Variants in ARHGEF38 observed in about 807,000 individuals in gnomAD.
The protein encoded by ARHGEF38 is Rho guanine nucleotide exchange factor 38, also known as Rho guanine nucleotide exchange factor (GEF) 38.
In ARHGEF38, 79 loss-of-function variants were observed where a neutral mutation model predicts 79.9. That is an observed-to-expected ratio of 0.99 (90% CI 0.82 to 1.19). ARHGEF38 has a LOEUF of 1.19. Ranked by LOEUF, ARHGEF38 falls within the 50% of genes most tolerant of loss-of-function variation. ARHGEF38 has a pLI of 0.00. For synonymous variants in ARHGEF38, 366 were observed against 328.3 expected, an observed-to-expected ratio of 1.11 and a Z score of -1.24; for missense variants, 962 against 907.2, an observed-to-expected ratio of 1.06 and a Z score of -0.78.
At position 105,646,364 on chromosome 4, in the gene ARHGEF38, T is replaced by C. The variant is rs138995572; in HGVS notation, c.874+977T>C. On this transcript the variant is annotated intron_variant, in intron 6 of 13. Transcript: ENST00000420470. ...AAAAAAACATTGTAATACAAAAAGGTTAAAAATAAAAAGAAGCAATTCACA... is the reference window on the plus strand; with the variant it reads ...AAAAAAACATTGTAATACAAAAAGGCTAAAAATAAAAAGAAGCAATTCACA... Among the ~76,000 whole-genome samples the C allele has an allele frequency of 8.2e-3, 1,246 of 152,152 alleles. 60 individuals carry two copies. The highest frequency in any genetic ancestry group is 0.064 in the Admixed American group (973 of 15,286).
chr4:105,667,703 G>A lies in ARHGEF38; in HGVS notation c.2148G>A (p.Gln716=), dbSNP rs1486193161. 1.3e-6 allele frequency: 2 copies of A among 1,535,972 alleles called. No individual in the cohort carries two copies. The highest frequency in any genetic ancestry group is 1.7e-6 in the Non-Finnish European group (2 of 1,146,868). Residue 716 remains glutamine (Q), a splice_region_variant and synonymous_variant, in exon 13 of 14, where the codon CAG becomes CAA. Coordinates refer to ENST00000420470, the MANE Select transcript of ARHGEF38 (RefSeq NM_001242729.2). ...DVDSFQEVDE[Q]IFYAVHAFQA... The stretch of plus-strand genomic sequence containing the variant: ...ACAGTTTTCAAGAAGTAGACGAACA[G>A]GTAAAAATTTGATGTAAAAATATGT...
At position 105,614,793 on chromosome 4, in the gene ARHGEF38, A is replaced by G. The variant is rs77251577; in HGVS notation, c.508+1286A>G. Among the ~76,000 whole-genome samples, 39 of 152,336 alleles carry G rather than the reference A, an allele frequency of 2.6e-4. No individual in the cohort carries two copies. In the East Asian group the frequency reaches 7.3e-3, roughly 29 times the overall value. On this transcript the variant is annotated intron_variant, in intron 3 of 13. Coordinates refer to ENST00000420470, the MANE Select transcript of ARHGEF38 (RefSeq NM_001242729.2). ...CAATGAATAGTTATGAAGTAGCAGC[A>G]TATTCACAAGATTTGGTACTGTACC...
chr4:105,675,482 T>A (rs891331108), intron 13 of ARHGEF38, among the ~76,000 whole-genome samples: 15 of 152,248 alleles, frequency 9.9e-5, no homozygotes, highest in Admixed American at 4.6e-4. Context: ...ATCTCTTGTA[T>A]GTATCTTTTA....
intron 9 of ARHGEF38, among the ~76,000 whole-genome samples, chr4:105,656,982 G>A (rs62320291): frequency 6.6e-6 from 1 of 151,958 alleles, no homozygotes; most frequent in Non-Finnish European, 1.5e-5. Context: ...ATGGATGGAT[G>A]GATAGGTACA....
chr4:105,663,756 G>A (rs977111830), intron 10 of ARHGEF38, among the ~76,000 whole-genome samples: 10 of 152,044 alleles, frequency 6.6e-5, no homozygotes, highest in Non-Finnish European at 1.0e-4. Flanking sequence ...GATCACTTGA[G>A]GCCGAGAGTT....
At chr4:105,637,964 T>C (rs59325500) in intron 5 of ARHGEF38, among the ~76,000 whole-genome samples, 2,186 of 152,240 alleles carry the variant, frequency 0.014, 44 homozygotes, top group African/African-American at 0.048. Context: ...TCCCAGCATG[T>C]GGCTGGATGC....
intron 5 of ARHGEF38, among the ~76,000 whole-genome samples, chr4:105,642,340 GC>G (rs1200885472): frequency 1.3e-5 from 2 of 152,066 alleles, no homozygotes; most frequent in African/African-American, 4.8e-5. Context: ...TTTTGAGAAC[GC>G]CTTTTTTAGG....
At chr4:105,576,407 C>CT (rs35502329) in intron 1 of ARHGEF38, among the ~76,000 whole-genome samples, 2,204 of 128,336 alleles carry the variant, frequency 0.017, 25 homozygotes, top group African/African-American at 0.032. Context: ...TTCTTTTCTT[C>CT]TTTTTTTTTT....
intron 9 of ARHGEF38, among the ~76,000 whole-genome samples, chr4:105,657,110 G>A (rs1730364921): frequency 2.6e-5 from 4 of 152,134 alleles, no homozygotes; most frequent in Admixed American, 2.6e-4. Context: ...AAAAGGTGTG[G>A]CTAGTTCTTT....
rs1725129557 is a variant in ARHGEF38 at position 105,553,971 on chromosome 4, AT to A, written c.196+1012del. Among the ~76,000 whole-genome samples, 8 of 152,284 alleles carry A rather than the reference AT, an allele frequency of 5.3e-5. No homozygotes were observed. In the South Asian group the frequency reaches 1.7e-3, roughly 32 times the overall value. On this transcript the variant is annotated intron_variant, in intron 1 of 13. Transcript: ENST00000420470. ...TATGAGCTTAGATTTAGTTATGCAA[AT>A]TAATTAAGTTAAATAAGTTAAATTA...
intron 7 of ARHGEF38, 136 bp from the exon 8 acceptor site, chr4:105,653,925 AAGAC>A (rs1410946289): frequency 7.1e-6 from 3 of 424,844 alleles, no homozygotes; most frequent in South Asian, 5.8e-5. Flanking sequence ...AGTATGTGTT[AAGAC>A]AGACAGCATG....
intron 13 of ARHGEF38, among the ~76,000 whole-genome samples, chr4:105,669,377 A>G (rs1730881744): frequency 6.6e-6 from 1 of 152,190 alleles, no homozygotes; most frequent in South Asian, 2.1e-4. Context: ...CAATATTTCA[A>G]GGAAGGGGCT....
chr4:105,572,493 T>C (rs1339629796), intron 1 of ARHGEF38, among the ~76,000 whole-genome samples: 1 of 152,194 alleles, frequency 6.6e-6, no homozygotes, highest in African/African-American at 2.4e-5. Context: ...TCCAGCTCTC[T>C]TTTCATCTTG....
At chr4:105,624,768 C>A (rs1445660100) in intron 3 of ARHGEF38, among the ~76,000 whole-genome samples, 1 of 152,178 alleles carries the variant, frequency 6.6e-6, no homozygotes, top group Non-Finnish European at 1.5e-5. Context: ...CAGCTGGGCT[C>A]CCATCCAAGG....
At position 105,602,552 on chromosome 4, in the gene ARHGEF38, A is replaced by T. The variant is rs75266528; in HGVS notation, c.385-10832A>T. 3.9e-4 allele frequency among the ~76,000 whole-genome samples: 60 copies of T among 152,238 alleles called. No individual in the cohort carries two copies. In the East Asian group the frequency reaches 9.1e-3, roughly 23 times the overall value. Reference sequence around the variant, plus strand: ...TAAGAAAAGGCTAATTGAATGTTGGAGATAGTGTGGTTAAGCTATCAAGAT... The same window carrying T: ...TAAGAAAAGGCTAATTGAATGTTGGTGATAGTGTGGTTAAGCTATCAAGAT... On this transcript the variant is annotated intron_variant, in intron 2 of 13. Coordinates refer to ENST00000420470, the MANE Select transcript of ARHGEF38 (RefSeq NM_001242729.2).
chr4:105,579,830 G>A (rs1726694118), intron 1 of ARHGEF38, among the ~76,000 whole-genome samples: 1 of 152,142 alleles, frequency 6.6e-6, no homozygotes, highest in African/African-American at 2.4e-5. Context: ...TCGTACATGT[G>A]TTTGAATTTG....
At chr4:105,582,760 A>G (rs1478485366) in intron 1 of ARHGEF38, among the ~76,000 whole-genome samples, 2 of 152,196 alleles carry the variant, frequency 1.3e-5, no homozygotes, top group Admixed American at 6.5e-5. Flanking sequence ...ATCACTATTA[A>G]GACTGATTTG....
chr4:105,622,784 AG>A (rs1728790466), intron 3 of ARHGEF38, among the ~76,000 whole-genome samples: 1 of 152,166 alleles, frequency 6.6e-6, no homozygotes, highest in African/African-American at 2.4e-5. Context: ...CCTCTTCAGA[AG>A]GCTTTTGTCA....
intron 4 of ARHGEF38, chr4:105,633,033 A>G (rs780524354): frequency 6.5e-6 from 1 of 152,754 alleles, no homozygotes; most frequent in South Asian, 2.1e-4. Context: ...TTCAGACCCA[A>G]TGGCTTATTT....
Sources: gnomAD v4.1 joint callset for allele counts (sites outside exome capture counted in the v4.1 genomes callset) on GRCh38, gnomAD v4.1.1 for gene constraint, MANE v1.5 for transcripts, NCBI Gene and HGNC (gene_info 2026-07-23, HGNC 2026-07-21) for gene names.